PLEKHA8: variants seen among roughly 807,000 people sequenced by gnomAD.
The protein encoded by PLEKHA8 is pleckstrin homology domain containing A8, also known as pleckstrin homology domain-containing family A member 8.
Under a neutral mutation model 68.2 loss-of-function variants are expected in PLEKHA8, and 36 were observed. That is an observed-to-expected ratio of 0.53 (90% CI 0.40 to 0.70). The LOEUF (loss-of-function observed/expected upper bound fraction) is 0.70. Ranked by LOEUF, PLEKHA8 falls within the 30% of genes least tolerant of loss-of-function variation. The pLI, the probability that PLEKHA8 is intolerant of heterozygous loss-of-function variation, is 0.00. For missense variants in PLEKHA8, 505 were observed against 615.4 expected (o/e 0.82, Z 1.90); for synonymous variants, 211 against 216.1 (o/e 0.98, Z 0.20).
downstream of PLEKHA8, among the ~76,000 whole-genome samples, chr7:30,093,166 T>C (rs1451922341): frequency 6.6e-6 from 1 of 152,130 alleles, no homozygotes; most frequent in Non-Finnish European, 1.5e-5. Flanking sequence ...GGGGTCCAAT[T>C]TCAGTTATAA....
rs762513208 is a variant in PLEKHA8 at position 30,078,768 on chromosome 7, A to G, written c.1541A>G (p.Glu514Gly). 6.2e-7 allele frequency: 1 copy of G among 1,613,552 alleles called. No individual in the cohort carries two copies. The highest frequency in any genetic ancestry group is 1.1e-5 in the South Asian group (1 of 91,052). The change falls in exon 14 of 14, where the codon GAA becomes GGA. Residue 514 changes from glutamate (E) to glycine (G), a missense_variant. By Grantham distance (98) the Glu-to-Gly change is moderately conservative. Coordinates refer to ENST00000449726, the MANE Select transcript of PLEKHA8 (RefSeq NM_001197026.2). ...LDTLYEVHGL[E>G]SDEVV ...ACTTTATATGAGGTCCACGGGCTGG[A>G]ATCTGATGAGGTGGTATGATGGCTG...
chr7:30,048,378 C>T (rs569474961), intron 4 of PLEKHA8, among the ~76,000 whole-genome samples: 2 of 152,290 alleles, frequency 1.3e-5, no homozygotes, highest in African/African-American at 4.8e-5. Flanking sequence ...AAGATGCCAA[C>T]TTATTGTCTT....
At chr7:30,091,035 A>G (rs1795395807), downstream of PLEKHA8, among the ~76,000 whole-genome samples, 1 of 152,100 alleles carries the variant, frequency 6.6e-6, no homozygotes. Context: ...GTGATGGTGC[A>G]TGCCTGTAGT....
In PLEKHA8 at chr7:30,054,854, C is replaced by A. The variant is rs1233357437; in HGVS notation, c.942C>A (p.Thr314=). 6.2e-7 allele frequency: 1 copy of A among 1,604,560 alleles called. No homozygotes were observed. Among genetic ancestry groups the A allele is most frequent in the Non-Finnish European group, 8.5e-7 (1 of 1,175,860 alleles). ...AAGTTATCCCAACTTTCTTTAGTAC[C>A]ATGAACACAAGGTATTCTAGACTCT... ...GKEVIPTFFS[T]MNTSFSDIEL... The change falls in exon 8 of 14, where the codon ACC becomes ACA. Residue 314 remains threonine (T), a synonymous_variant. Coordinates refer to ENST00000449726, the MANE Select transcript of PLEKHA8 (RefSeq NM_001197026.2).
At chr7:30,087,058 G>T (rs907519408), downstream of PLEKHA8, among the ~76,000 whole-genome samples, 2 of 152,200 alleles carry the variant, frequency 1.3e-5, no homozygotes, top group African/African-American at 4.8e-5. Context: ...CAAAGTTGTC[G>T]CATCTTTGCT....
intron 13 of PLEKHA8, among the ~76,000 whole-genome samples, chr7:30,119,499 G>A (rs958956781): frequency 3.3e-5 from 5 of 152,110 alleles, no homozygotes; most frequent in African/African-American, 9.7e-5. Context: ...AGAAACTGCC[G>A]AGGACAGTAT....
intron 13 of PLEKHA8, among the ~76,000 whole-genome samples, chr7:30,116,512 A>G (rs889635016): frequency 2.2e-4 from 33 of 152,116 alleles, no homozygotes; most frequent in Admixed American, 2.1e-3. Context: ...TCTTGCATAT[A>G]TTTGATTAGC....
At chr7:30,128,091 A>ATTTTTTT (rs35173428) in intron 13 of PLEKHA8, among the ~76,000 whole-genome samples, 2 of 122,716 alleles carry the variant, frequency 1.6e-5, no homozygotes, top group East Asian at 2.3e-4. Context: ...GTTTTACTGT[A>ATTTTTTT]TTTTTTTTTT....
chr7:30,124,567 TG>T (rs1412204906), intron 13 of PLEKHA8, among the ~76,000 whole-genome samples: 1 of 152,224 alleles, frequency 6.6e-6, no homozygotes, highest in Non-Finnish European at 1.5e-5. Flanking sequence ...CCTTTTTCGT[TG>T]TTTTACTGAT....
Position 30,097,126 on chromosome 7 carries a change from C to A in PLEKHA8, c.1362+22994C>A, listed in dbSNP as rs369722205. ...GATATGAAATTCTGGGTTGAAAATTCTTTTCTTTAAGAATGTTGAATATCG... is the reference window on the plus strand; with the variant it reads ...GATATGAAATTCTGGGTTGAAAATTATTTTCTTTAAGAATGTTGAATATCG... On this transcript the variant is annotated intron_variant, in intron 13 of 13. Transcript: ENST00000396257. Among the ~76,000 whole-genome samples the A allele has an allele frequency of 3.3e-4, 51 of 152,298 alleles. No homozygotes were observed. In the East Asian group the frequency reaches 4.2e-3, roughly 13 times the overall value.
At position 30,120,170 on chromosome 7, in the gene PLEKHA8, C is replaced by CAAA. The variant is rs200775029; in HGVS notation, c.1363-9087_1363-9085dup. 9.6e-3 allele frequency among the ~76,000 whole-genome samples: 1,263 copies of CAAA among 130,912 alleles called. 20 individuals carry two copies. Among genetic ancestry groups the CAAA allele is most frequent in the African/African-American group, 0.033 (1,218 of 36,494 alleles). 85.9% of individuals were successfully genotyped at this position (130,912 alleles called of 152,430 possible). A position where few individuals can be genotyped will look rare whatever the true frequency, so the allele number is the denominator to read the frequency against. On this transcript the variant is annotated intron_variant, in intron 13 of 13. Coordinates refer to the PLEKHA8 transcript ENST00000396257. ...ATACAAATAATTAAAAAAAAAAAAA[C>CAAA]AAAAAAAAAAACAGAAAATAACATG...
intron 12 of PLEKHA8, among the ~76,000 whole-genome samples, chr7:30,065,421 C>T (rs536130479): frequency 1.4e-3 from 212 of 150,788 alleles, no homozygotes; most frequent in African/African-American, 5.0e-3. Flanking sequence ...GTTAAACCCA[C>T]CCTCCCCTCC....
chr7:30,104,468 G>T (rs904595933), intron 13 of PLEKHA8, among the ~76,000 whole-genome samples: 4 of 152,078 alleles, frequency 2.6e-5, no homozygotes, highest in Non-Finnish European at 5.9e-5. Flanking sequence ...TTGGTGTGTG[G>T]AAACAATGGA....
intron 3 of PLEKHA8, among the ~76,000 whole-genome samples, chr7:30,046,976 T>C (rs1386968284): frequency 1.3e-5 from 2 of 152,226 alleles, no homozygotes; most frequent in Non-Finnish European, 2.9e-5. Flanking sequence ...TACCAGGGCT[T>C]ACTGCCTGGG....
chr7:30,035,544 T>C (rs1288252757), intron 1 of PLEKHA8, among the ~76,000 whole-genome samples: 2 of 152,220 alleles, frequency 1.3e-5, no homozygotes, highest in Non-Finnish European at 2.9e-5. Flanking sequence ...GTCTCTTCCA[T>C]TGTGAAGTGT....
chr7:30,057,856 T>C (rs1793120099), intron 9 of PLEKHA8, among the ~76,000 whole-genome samples: 1 of 152,250 alleles, frequency 6.6e-6, no homozygotes, highest in Admixed American at 6.5e-5. Flanking sequence ...GGACTGGAAT[T>C]GCTGGTTCAT....
At chr7:30,129,499 T>G, downstream of PLEKHA8, 1 of 649,402 alleles carries the variant, frequency 1.5e-6, no homozygotes, top group Non-Finnish European at 2.6e-6. Flanking sequence ...TATTATCAGA[T>G]GAATGCAATT....
At chr7:30,118,246 A>G (rs534180866) in intron 13 of PLEKHA8, 4 of 394,680 alleles carry the variant, frequency 1.0e-5, no homozygotes, top group South Asian at 2.7e-4. Context: ...GACTGAGTCT[A>G]TCTGGAACTT....
At chr7:30,060,759 A>G (rs1315862615) in intron 9 of PLEKHA8, 125 bp from the exon 10 acceptor site, 6 of 724,064 alleles carry the variant, frequency 8.3e-6, no homozygotes, top group Non-Finnish European at 1.2e-5. Flanking sequence ...TTATGTTTAG[A>G]TAAATGATTT....
Sources: allele counts gnomAD v4.1 joint callset (sites outside exome capture counted in the v4.1 genomes callset), GRCh38; gene constraint gnomAD v4.1.1; transcripts MANE v1.5; gene names NCBI Gene and HGNC (gene_info 2026-07-23, HGNC 2026-07-21).